PIEZO2: variants seen among roughly 807,000 people sequenced by gnomAD.
The protein encoded by PIEZO2 is piezo-type mechanosensitive ion channel component 2.
PIEZO2 carries 172 observed loss-of-function variants against 337.3 expected under a neutral mutation model. The ratio of observed to expected loss-of-function variants is 0.51; its 90% CI spans 0.45 to 0.58. The LOEUF (loss-of-function observed/expected upper bound fraction) is 0.58. Ranked by LOEUF, PIEZO2 falls within the 20% of genes least tolerant of loss-of-function variation. PIEZO2 has a pLI of 0.00. For missense variants in PIEZO2, 3,028 were observed against 3,391.3 expected, an observed-to-expected ratio of 0.89 and a Z score of 2.66; for synonymous variants, 1,251 against 1,228.5, an observed-to-expected ratio of 1.02 and a Z score of -0.38.
intron 8 of PIEZO2, among the ~76,000 whole-genome samples, chr18:10,804,431 C>T (rs149621805): frequency 4.9e-4 from 75 of 152,284 alleles, no homozygotes; most frequent in African/African-American, 1.7e-3. Context: ...TAAGCAAGAG[C>T]GTATCTATGC....
chr18:10,847,254 G>A lies in PIEZO2; in HGVS notation c.917+8099C>T, dbSNP rs1432371724. On this transcript the variant is annotated intron_variant, in intron 7 of 55. Transcript: ENST00000674853. This position sits in a 1 kb window ranked among gnomAD's most constrained non-coding sequence, Gnocchi z 5.7. ...AGCCGGGGCAGGTGACTGCAGGTGA[G>A]CTGCAATCCTAGCTATGGACCCTTT... Among the ~76,000 whole-genome samples the A allele has an allele frequency of 6.6e-6, 1 of 152,254 alleles. No homozygotes were observed. Among genetic ancestry groups the A allele is most frequent in the Non-Finnish European group, 1.5e-5 (1 of 68,044 alleles).
At chr18:10,924,044 T>C (rs575937019) in intron 3 of PIEZO2, among the ~76,000 whole-genome samples, 1 of 152,308 alleles carries the variant, frequency 6.6e-6, no homozygotes, top group South Asian at 2.1e-4. Context: ...TCTCAGCCAG[T>C]GTTTAAATGA....
At chr18:11,082,689 GAA>G (rs1386405507) in intron 1 of PIEZO2, among the ~76,000 whole-genome samples, 1 of 152,040 alleles carries the variant, frequency 6.6e-6, no homozygotes, top group Non-Finnish European at 1.5e-5. Context: ...TTTTTTATCA[GAA>G]AAAGAACTAG....
chr18:10,828,373 A>T lies in PIEZO2; in HGVS notation c.918-21099T>A, dbSNP rs1303935063. Among the ~76,000 whole-genome samples the T allele has an allele frequency of 6.6e-6, 1 of 152,184 alleles. No individual in the cohort carries two copies. The highest frequency in any genetic ancestry group is 2.4e-5 in the African/African-American group (1 of 41,444). ...ACATCAGACAACGAACCTCTTCAGA[A>T]TGAGAAATGGAGCTGCTGCCCTGAA... is the stretch of plus-strand genomic sequence containing the variant. On this transcript the variant is annotated intron_variant, in intron 7 of 55. Transcript: ENST00000674853. This position sits in a 1 kb window ranked among gnomAD's most constrained non-coding sequence, Gnocchi z 4.1.
At chr18:10,752,013 G>T (rs1329594662) in intron 28 of PIEZO2, among the ~76,000 whole-genome samples, 4 of 152,064 alleles carry the variant, frequency 2.6e-5, no homozygotes, top group Admixed American at 6.6e-5. Flanking sequence ...GGGGGGGAGG[G>T]TCCCTCAACC....
At position 10,726,467 on chromosome 18, in the gene PIEZO2, G is replaced by A; in HGVS notation, c.5029+4940C>T. ...TACGGCCGGCGAACCCCACGAGGAG[G>A]GCCTGGCCACCCTGCACAGCGTGCT... On this transcript the variant is annotated intron_variant, in intron 36 of 55. Transcript: ENST00000674853. This position sits in a 1 kb window ranked among gnomAD's most constrained non-coding sequence, Gnocchi z 5.9. 7 of 1,528,046 alleles carry A rather than the reference G, an allele frequency of 4.6e-6. No individual in the cohort carries two copies. The highest frequency in any genetic ancestry group is 2.0e-5 in the Admixed American group (1 of 50,344). 94.7% of individuals were successfully genotyped at this position (1,528,046 alleles called of 1,614,324 possible).
At chr18:10,822,544 C>T (rs1404330990) in intron 7 of PIEZO2, among the ~76,000 whole-genome samples, 2 of 152,186 alleles carry the variant, frequency 1.3e-5, no homozygotes, top group Non-Finnish European at 1.5e-5. Flanking sequence ...CACCAGGCTC[C>T]TTTCTGCTAA....
chr18:10,770,610 G>T (rs947725243), intron 20 of PIEZO2, among the ~76,000 whole-genome samples: 1 of 151,948 alleles, frequency 6.6e-6, no homozygotes, highest in Non-Finnish European at 1.5e-5. Flanking sequence ...TTGCTTGCTT[G>T]CTTTCTCTCT....
At position 10,856,297 on chromosome 18, in the gene PIEZO2, A is replaced by G. The variant is rs1417799561; in HGVS notation, c.703+704T>C. Reference sequence around the variant, plus strand: ...ATTGGGCATTTTGAAAGGACTCCTCATTAAAATGTTGTGGTTTATTTCTTG... The same window carrying G: ...ATTGGGCATTTTGAAAGGACTCCTCGTTAAAATGTTGTGGTTTATTTCTTG... On this transcript the variant is annotated intron_variant, in intron 6 of 55. Coordinates refer to ENST00000674853, the MANE Select transcript of PIEZO2 (RefSeq NM_001378183.1). This position sits in a 1 kb window ranked among gnomAD's most constrained non-coding sequence, Gnocchi z 4.7. Among the ~76,000 whole-genome samples, 2 of 152,218 alleles carry G rather than the reference A, an allele frequency of 1.3e-5. No homozygotes were observed. Among genetic ancestry groups the G allele is most frequent in the African/African-American group, 4.8e-5 (2 of 41,460 alleles).
intron 1 of PIEZO2, among the ~76,000 whole-genome samples, chr18:11,113,025 G>T (rs1425107754): frequency 1.3e-5 from 2 of 152,194 alleles, no homozygotes; most frequent in African/African-American, 4.8e-5. Flanking sequence ...CACGATGTAG[G>T]CCTTCAAGAA....
At position 11,133,782 on chromosome 18, in the gene PIEZO2, A is replaced by T. The variant is rs1402276677; in HGVS notation, c.64+14743T>A. On this transcript the variant is annotated intron_variant, in intron 1 of 55. Transcript: ENST00000674853. ...GTGATCGCGTAAGTTAATACTTAAT[A>T]AACTCCTCTCTCTATATATATGTGT... 4.0e-5 allele frequency among the ~76,000 whole-genome samples: 6 copies of T among 148,524 alleles called. No individual in the cohort carries two copies. In the South Asian group the frequency reaches 6.6e-4, roughly 16 times the overall value.
In PIEZO2 at chr18:11,083,619, G is replaced by A. The variant is rs1394474067; in HGVS notation, c.65-17397C>T. Among the ~76,000 whole-genome samples, 11 of 95,412 alleles carry A rather than the reference G, an allele frequency of 1.2e-4. No individual in the cohort carries two copies. 62.6% of individuals were successfully genotyped at this position (95,412 alleles called of 152,430 possible). On this transcript the variant is annotated intron_variant, in intron 1 of 55. Coordinates refer to ENST00000674853, the MANE Select transcript of PIEZO2 (RefSeq NM_001378183.1). This position sits in a 1 kb window ranked among gnomAD's most constrained non-coding sequence, Gnocchi z 4.4. The stretch of plus-strand genomic sequence containing the variant: ...CAAAGTTACTTATGAAAGGCTTGGT[G>A]CAGAGTCTGAGGGCACAGAGTTTTG...
At position 10,994,000 on chromosome 18, in the gene PIEZO2, C is replaced by T. The variant is rs779620651; in HGVS notation, c.161-14340G>A. On this transcript the variant is annotated intron_variant, in intron 2 of 55. Transcript: ENST00000674853. The surrounding 1 kb of genome is among the most constrained non-coding windows in gnomAD (Gnocchi z 5.0). Reference sequence around the variant, plus strand: ...AGCCAATTTGTATGCTTTTATCCCTCGCCCCTTCCCACACTTTCCCCCTGC... The same window carrying T: ...AGCCAATTTGTATGCTTTTATCCCTTGCCCCTTCCCACACTTTCCCCCTGC... 4.0e-5 allele frequency among the ~76,000 whole-genome samples: 6 copies of T among 150,630 alleles called. No individual in the cohort carries two copies. The highest frequency in any genetic ancestry group is 7.4e-5 in the Non-Finnish European group (5 of 67,926).
chr18:10,734,818 G>A (rs1445472184), intron 35 of PIEZO2, among the ~76,000 whole-genome samples: 3 of 152,174 alleles, frequency 2.0e-5, no homozygotes, highest in African/African-American at 7.2e-5. Context: ...GAGAGACGGA[G>A]TAAAAGACAT....
Position 11,096,661 on chromosome 18 carries a change from C to T in PIEZO2, c.65-30439G>A, listed in dbSNP as rs2039270818. 6.6e-6 allele frequency among the ~76,000 whole-genome samples: 1 copy of T among 152,196 alleles called. No homozygotes were observed. The highest frequency in any genetic ancestry group is 2.4e-5 in the African/African-American group (1 of 41,440). On this transcript the variant is annotated intron_variant, in intron 1 of 55. Coordinates refer to ENST00000674853, the MANE Select transcript of PIEZO2 (RefSeq NM_001378183.1). This position sits in a 1 kb window ranked among gnomAD's most constrained non-coding sequence, Gnocchi z 4.6. ...ACCCTCATCTCCCCCACCCAACACA[C>T]ACACGTATCTACCTCTTGTCTTTCA...
chr18:10,955,901 A>G (rs1190659883), intron 3 of PIEZO2, among the ~76,000 whole-genome samples: 1 of 152,234 alleles, frequency 6.6e-6, no homozygotes, highest in East Asian at 1.9e-4. Flanking sequence ...CCCCAGCATT[A>G]GAACAGTAGC....
chr18:11,105,480 G>A lies in PIEZO2; in HGVS notation c.65-39258C>T, dbSNP rs150899838. ...ACACTTCCACACTTCAAACTACCAC[G>A]TGGTGAGAATCCCAGCACAGCTTAT... On this transcript the variant is annotated intron_variant, in intron 1 of 55. Coordinates refer to ENST00000674853, the MANE Select transcript of PIEZO2 (RefSeq NM_001378183.1). This position sits in a 1 kb window ranked among gnomAD's most constrained non-coding sequence, Gnocchi z 4.3. Among the ~76,000 whole-genome samples the A allele has an allele frequency of 1.0e-3, 156 of 152,138 alleles. No individual in the cohort carries two copies. The highest frequency in any genetic ancestry group is 1.9e-3 in the Non-Finnish European group (132 of 68,016).
rs1345727128 is a variant in PIEZO2, at chr18:10,724,933, T to C, written c.5029+6474A>G. ...GGGACAGCCTCCACCTGGACGGCGATGGAACCCAGGTGGGCGCACCCTGCG... is the reference window on the plus strand; with the variant it reads ...GGGACAGCCTCCACCTGGACGGCGACGGAACCCAGGTGGGCGCACCCTGCG... On this transcript the variant is annotated intron_variant, in intron 36 of 55. Coordinates refer to ENST00000674853, the MANE Select transcript of PIEZO2 (RefSeq NM_001378183.1). The surrounding 1 kb of genome is among the most constrained non-coding windows in gnomAD (Gnocchi z 5.8). 5.0e-6 allele frequency: 8 copies of C among 1,603,942 alleles called. No homozygotes were observed. Among genetic ancestry groups the C allele is most frequent in the Non-Finnish European group, 6.0e-6 (7 of 1,174,090 alleles).
chr18:11,050,170 C>T (rs532105583), intron 2 of PIEZO2, among the ~76,000 whole-genome samples: 1 of 151,964 alleles, frequency 6.6e-6, no homozygotes, highest in Non-Finnish European at 1.5e-5. Flanking sequence ...AAGAAACAGG[C>T]GTCTAATTTT....
Sources: gnomAD v4.1 joint callset for allele counts (sites outside exome capture counted in the v4.1 genomes callset) on GRCh38, gnomAD v4.1.1 for gene constraint, Gnocchi (gnomAD v3.1) non-coding constraint, MANE v1.5 for transcripts, NCBI Gene and HGNC (gene_info 2026-07-23, HGNC 2026-07-21) for gene names.